Variants in PPP1R1C observed in about 807,000 individuals in gnomAD.
PPP1R1C encodes the protein protein phosphatase 1 regulatory subunit 1C.
In PPP1R1C, 15 loss-of-function variants were observed where a neutral mutation model predicts 17.4. That is an observed-to-expected ratio of 0.86 (90% CI 0.58 to 1.33). The LOEUF is 1.33. Ranked by LOEUF, PPP1R1C falls within the 40% of genes most tolerant of loss-of-function variation. The pLI is 0.00. For missense variants in PPP1R1C, 143 were observed against 130.0 expected (o/e 1.10, Z -0.48); for synonymous variants, 35 against 43.1 (o/e 0.81, Z 0.73).
At chr2:182,015,202 C>G (rs1686222996) in intron 2 of PPP1R1C, among the ~76,000 whole-genome samples, 2 of 152,058 alleles carry the variant, frequency 1.3e-5, no homozygotes. Context: ...TGGGAGTGAC[C>G]TGGTGGGAGA....
rs1460552650 is a variant in PPP1R1C at position 181,957,033 on chromosome 2, A to G, written n.111+2399A>G. ...AAATTTCATCAGCTGTTTTAATTTA[A>G]ATAAGTATGCATGTGCTTTGCCACT... is the stretch of plus-strand genomic sequence containing the variant. On this transcript the variant is annotated intron_variant and non_coding_transcript_variant, in intron 1 of 5. Transcript: ENST00000464264. This position sits in a 1 kb window ranked among gnomAD's most constrained non-coding sequence, Gnocchi z 4.2. 6.6e-6 allele frequency among the ~76,000 whole-genome samples: 1 copy of G among 152,152 alleles called. No individual in the cohort carries two copies. The highest frequency in any genetic ancestry group is 2.4e-5 in the African/African-American group (1 of 41,442).
intron 4 of PPP1R1C, among the ~76,000 whole-genome samples, chr2:182,102,839 G>A (rs558359316): frequency 4.6e-5 from 7 of 152,218 alleles, no homozygotes; most frequent in African/African-American, 1.7e-4. Flanking sequence ...TTGAGGCAGG[G>A]TCTTGCTATG....
rs1234215074 is a variant in PPP1R1C, at chr2:181,957,198, A to C, written n.111+2564A>C. Among the ~76,000 whole-genome samples the C allele has an allele frequency of 2.6e-5, 4 of 152,142 alleles. No homozygotes were observed. The highest frequency in any genetic ancestry group is 5.9e-5 in the Non-Finnish European group (4 of 68,026). ...AAAATGATGAAGCTCTGTCTCTACCAAAAATACAAAAATTAGCCAGGCATG... is the reference window on the plus strand; with the variant it reads ...AAAATGATGAAGCTCTGTCTCTACCCAAAATACAAAAATTAGCCAGGCATG... On this transcript the variant is annotated intron_variant and non_coding_transcript_variant, in intron 1 of 5. Coordinates refer to the PPP1R1C transcript ENST00000464264. This position sits in a 1 kb window ranked among gnomAD's most constrained non-coding sequence, Gnocchi z 4.2.
At chr2:182,040,712 G>C (rs1312950763) in intron 2 of PPP1R1C, among the ~76,000 whole-genome samples, 1 of 152,110 alleles carries the variant, frequency 6.6e-6, no homozygotes, top group Non-Finnish European at 1.5e-5. Context: ...TGAGGTCTTA[G>C]TCATGAATTC....
intron 4 of PPP1R1C, among the ~76,000 whole-genome samples, chr2:182,070,534 A>G (rs1338689224): frequency 6.6e-6 from 1 of 152,236 alleles, no homozygotes; most frequent in Non-Finnish European, 1.5e-5. Context: ...TTAAAGTTAG[A>G]TTTTATATTT....
chr2:182,105,718 A>C (rs181606232), intron 4 of PPP1R1C, among the ~76,000 whole-genome samples: 62 of 152,348 alleles, frequency 4.1e-4, no homozygotes, highest in Non-Finnish European at 8.1e-4. Flanking sequence ...TGCTTCCAAG[A>C]AGCTGAATGT....
chr2:181,958,489 AC>A (rs1296119797), intron 1 of PPP1R1C, among the ~76,000 whole-genome samples: 144 of 152,218 alleles, frequency 9.5e-4, no homozygotes, highest in Non-Finnish European at 1.8e-3. Flanking sequence ...TGGATGAAGC[AC>A]CATCTGTATA....
intron 2 of PPP1R1C, among the ~76,000 whole-genome samples, chr2:182,009,113 A>G (rs1346695612): frequency 1.3e-5 from 2 of 152,156 alleles, no homozygotes; most frequent in Non-Finnish European, 2.9e-5. Context: ...TATCTCTTCA[A>G]TACACTGATT....
intron 2 of PPP1R1C, among the ~76,000 whole-genome samples, chr2:182,037,433 A>G (rs181197723): frequency 6.6e-6 from 1 of 152,228 alleles, no homozygotes; most frequent in East Asian, 1.9e-4. Context: ...CTAAAAATAC[A>G]AAAATTAGCT....
intron 4 of PPP1R1C, among the ~76,000 whole-genome samples, chr2:182,070,074 T>C (rs541177811): frequency 6.6e-6 from 1 of 152,256 alleles, no homozygotes; most frequent in South Asian, 2.1e-4. Context: ...GGTAAGTCCT[T>C]TAATAGGGAT....
At chr2:181,983,730 A>C (rs1398156596), upstream of PPP1R1C, among the ~76,000 whole-genome samples, 1 of 152,216 alleles carries the variant, frequency 6.6e-6, no homozygotes, top group Non-Finnish European at 1.5e-5. Flanking sequence ...AAAATACTAA[A>C]CATTCAAAAG....
intron 2 of PPP1R1C, among the ~76,000 whole-genome samples, chr2:182,047,418 G>A (rs914845886): frequency 3.9e-5 from 6 of 152,036 alleles, no homozygotes; most frequent in African/African-American, 1.4e-4. Context: ...TTTCTAATCT[G>A]TAAAAGTTAT....
chr2:181,957,644 T>G lies in PPP1R1C; in HGVS notation n.111+3010T>G. On this transcript the variant is annotated intron_variant and non_coding_transcript_variant, in intron 1 of 5. Transcript: ENST00000464264. This position sits in a 1 kb window ranked among gnomAD's most constrained non-coding sequence, Gnocchi z 4.2. ...GTTTCTGTTTTGAGTATTCTTTATT[T>G]TCTTCTTATACCCAAATAATCAAAA... Among the ~76,000 whole-genome samples, 1 of 152,210 alleles carries G rather than the reference T, an allele frequency of 6.6e-6. No individual in the cohort carries two copies.
chr2:182,100,404 G>C (rs1339724759), intron 4 of PPP1R1C, among the ~76,000 whole-genome samples: 1 of 151,964 alleles, frequency 6.6e-6, no homozygotes, highest in Non-Finnish European at 1.5e-5. Context: ...CAGCTACTCG[G>C]GAGGCTGAGG....
chr2:182,085,362 A>G (rs1350461570), intron 4 of PPP1R1C, among the ~76,000 whole-genome samples: 2 of 152,082 alleles, frequency 1.3e-5, no homozygotes, highest in Non-Finnish European at 1.5e-5. Context: ...CTGTATACAC[A>G]TAAACACACA....
intron 4 of PPP1R1C, among the ~76,000 whole-genome samples, chr2:182,081,477 A>G (rs1380322244): frequency 6.6e-6 from 1 of 152,186 alleles, no homozygotes; most frequent in African/African-American, 2.4e-5. Context: ...GTGATAGAAA[A>G]TTTGAAATCC....
At chr2:182,070,418 C>T (rs1688108115) in intron 4 of PPP1R1C, among the ~76,000 whole-genome samples, 1 of 152,148 alleles carries the variant, frequency 6.6e-6, no homozygotes, top group Non-Finnish European at 1.5e-5. Context: ...CATTTGAAGC[C>T]CTTGTTCATT....
At chr2:182,097,470 A>G (rs183523309) in intron 4 of PPP1R1C, among the ~76,000 whole-genome samples, 16 of 152,280 alleles carry the variant, frequency 1.1e-4, no homozygotes, top group Admixed American at 4.6e-4. Flanking sequence ...CCCACCACAA[A>G]CAACCACATA....
Position 182,079,771 on chromosome 2 carries a change from C to G in PPP1R1C, c.241+15980C>G, listed in dbSNP as rs76895722. Among the ~76,000 whole-genome samples, 877 of 152,250 alleles carry G rather than the reference C, an allele frequency of 5.8e-3. 12 individuals carry two copies. The highest frequency in any genetic ancestry group is 0.051 in the East Asian group (264 of 5,178). On this transcript the variant is annotated intron_variant, in intron 4 of 4. Transcript: ENST00000682840. ...CCACTGAAGGCTGTAGGGAAGATTC[C>G]TTCCTTGCCTCTTCCAGTTTCTGGT...
Sources: gnomAD v4.1 joint callset for allele counts (sites outside exome capture counted in the v4.1 genomes callset) on GRCh38, gnomAD v4.1.1 for gene constraint, Gnocchi (gnomAD v3.1) non-coding constraint, MANE v1.5 for transcripts, NCBI Gene and HGNC (gene_info 2026-07-23, HGNC 2026-07-21) for gene names.